Variants in KATNAL2 observed in about 807,000 individuals in gnomAD.
KATNAL2 encodes katanin p60 ATPase-containing subunit A-like 2.
A neutral mutation model predicts 76.3 loss-of-function variants in KATNAL2; 52 were observed. The ratio of observed to expected loss-of-function variants is 0.68; its 90% confidence interval spans 0.55 to 0.86. KATNAL2 has a LOEUF of 0.86. KATNAL2 is among the 40% of genes least tolerant of loss of function. The probability of loss-of-function intolerance (pLI) is 0.00; values close to 1 mark genes in which losing one functional copy is unlikely to be tolerated. For missense variants in KATNAL2, 660 were observed against 668.9 expected, an observed-to-expected ratio of 0.99 and a Z score of 0.15; for synonymous variants, 243 against 244.2, an observed-to-expected ratio of 1.00 and a Z score of 0.05.
chr18:46,959,401 G>T (rs1437421665), intron 3 of KATNAL2, among the ~76,000 whole-genome samples: 1 of 152,186 alleles, frequency 6.6e-6, no homozygotes, highest in Admixed American at 6.5e-5. Flanking sequence ...CCAAAAAGGA[G>T]AGACTAATTA....
chr18:47,033,424 G>C, intron 3 of KATNAL2: 3 of 1,614,188 alleles, frequency 1.9e-6, no homozygotes, highest in Non-Finnish European at 2.5e-6. Context: ...CTGCTCTGGG[G>C]CGTCCGGAAG....
At chr18:47,035,465 C>G (rs2060728936) in intron 3 of KATNAL2, 1 of 1,125,770 alleles carries the variant, frequency 8.9e-7, no homozygotes, top group Non-Finnish European at 1.2e-6. Flanking sequence ...TTGCAGACAG[C>G]TGAGCAGGCC....
intron 1 of KATNAL2, among the ~76,000 whole-genome samples, chr18:46,945,319 G>A (rs11875527): frequency 0.046 from 7,061 of 152,272 alleles, 191 homozygotes; most frequent in Non-Finnish European, 0.064. Context: ...CCTAAGCTTC[G>A]CCTAGGTTAA....
chr18:47,047,618 T>C (rs181933780), intron 4 of KATNAL2, among the ~76,000 whole-genome samples: 18 of 152,308 alleles, frequency 1.2e-4, no homozygotes, highest in Admixed American at 1.1e-3. Context: ...AGAGAGCTGC[T>C]CCACAAAGTG....
chr18:46,946,980 T>G (rs1360444839), intron 3 of KATNAL2, 57 bp downstream of exon 3: 3 of 1,188,476 alleles, frequency 2.5e-6, no homozygotes, highest in Non-Finnish European at 2.4e-6. Flanking sequence ...CTACTGTTGC[T>G]GCGGGACGAT....
At chr18:46,956,270 A>G (rs1032277365) in intron 3 of KATNAL2, among the ~76,000 whole-genome samples, 2 of 152,218 alleles carry the variant, frequency 1.3e-5, no homozygotes, top group Non-Finnish European at 2.9e-5. Flanking sequence ...GATAAACGCA[A>G]TTTAGTGCCT....
chr18:46,946,168 G>A lies in KATNAL2; in HGVS notation c.-398G>A, dbSNP rs1476774502. ...GGGATAATTTGGAATAGGATTCACA[G>A]CAAGAGAGACAGAAGGGAAAGACAT... On this transcript the variant is annotated 5_prime_UTR_variant, in exon 2 of 18. Coordinates refer to ENST00000683218, the MANE Select transcript of KATNAL2 (RefSeq NM_001387690.1). 2 of 979,372 alleles carry A rather than the reference G, an allele frequency of 2.0e-6. No individual in the cohort carries two copies. The highest frequency in any genetic ancestry group is 2.4e-6 in the Non-Finnish European group (2 of 816,616). 60.7% of individuals were successfully genotyped at this position (979,372 alleles called of 1,614,324 possible).
At chr18:47,032,920 T>C (rs561010606) in intron 3 of KATNAL2, 4 of 1,609,284 alleles carry the variant, frequency 2.5e-6, no homozygotes, top group East Asian at 2.2e-5. Context: ...CTGGTGTCCA[T>C]TGGAAGTTTC....
chr18:47,067,236 C>T (rs56272937), intron 11 of KATNAL2, 117 bp downstream of exon 11: 6,598 of 454,154 alleles, frequency 0.015, 61 homozygotes, highest in Non-Finnish European at 0.019. Context: ...CACGTTAACT[C>T]TTTGCTTGTG....
Position 46,918,202 on chromosome 18 carries a change from C to T in KATNAL2, c.-510+276C>T, listed in dbSNP as rs79609991. On this transcript the variant is annotated intron_variant, in intron 1 of 17. Transcript: ENST00000683218. Reference sequence around the variant, plus strand: ...AAGTAGATAGAAGGAAGCTTGATGGCCCCCCCGTAATGTGCTGATATAGGA... The same window carrying T: ...AAGTAGATAGAAGGAAGCTTGATGGTCCCCCCGTAATGTGCTGATATAGGA... Among the ~76,000 whole-genome samples, 819 of 152,000 alleles carry T rather than the reference C, an allele frequency of 5.4e-3. 4 individuals carry two copies. The highest frequency in any genetic ancestry group is 0.014 in the Middle Eastern group (4 of 292).
intron 10 of KATNAL2, among the ~76,000 whole-genome samples, chr18:47,064,408 C>T (rs546103136): frequency 1.1e-3 from 172 of 152,070 alleles, no homozygotes; most frequent in Admixed American, 2.2e-3. Context: ...TGGTGGGGAA[C>T]GGGTGGAGAG....
intron 7 of KATNAL2, among the ~76,000 whole-genome samples, chr18:47,059,326 A>G (rs145467934): frequency 6.6e-6 from 1 of 152,374 alleles, no homozygotes; most frequent in East Asian, 1.9e-4. Flanking sequence ...CTTGGGGCCC[A>G]TGGGGCCTGG....
rs555844923 is a variant in KATNAL2, at chr18:47,046,594, G to A, written c.122+67G>A. The A allele has an allele frequency of 1.2e-4, 129 of 1,101,696 alleles. No homozygotes were observed. In the East Asian group the frequency reaches 1.5e-3, roughly 13 times the overall value. 68.2% of individuals were successfully genotyped at this position (1,101,696 alleles called of 1,614,324 possible). A position where few individuals can be genotyped will look rare whatever the true frequency, so the allele number is the denominator to read the frequency against. On this transcript the variant is annotated intron_variant, in intron 4 of 17. Transcript: ENST00000683218. ...CTCTGCTCTCTACTTTTCCAGATGCGTACTTTTAAATACAATAGACTTTCT... is the reference window on the plus strand; with the variant it reads ...CTCTGCTCTCTACTTTTCCAGATGCATACTTTTAAATACAATAGACTTTCT...
At chr18:46,961,936 G>T (rs567383459) in intron 3 of KATNAL2, among the ~76,000 whole-genome samples, 1 of 152,196 alleles carries the variant, frequency 6.6e-6, no homozygotes. Flanking sequence ...AAGTTTTTAA[G>T]AGCTACACAC....
chr18:46,933,952 CCATGTCCCTACAAAGGA>C (rs2059013002), intron 1 of KATNAL2, among the ~76,000 whole-genome samples: 2 of 150,164 alleles, frequency 1.3e-5, no homozygotes, highest in Non-Finnish European at 3.0e-5. Context: ...CCAGTTTCAT[CCATGTCCCTACAAAGGA>C]CATGAACTCA....
chr18:47,053,404 C>T (rs900283152), intron 5 of KATNAL2, among the ~76,000 whole-genome samples: 4 of 152,130 alleles, frequency 2.6e-5, no homozygotes, highest in Non-Finnish European at 5.9e-5. Context: ...TTTTAGGAGA[C>T]CTATTATCTG....
rs2061378033 is a variant in KATNAL2 at position 47,052,996 on chromosome 18, T to G, written c.239T>G (p.Phe80Cys). The change falls in exon 5 of 18, where the codon TTT becomes TGT. Residue 80 changes from phenylalanine to cysteine, a missense_variant. Transcript: ENST00000683218. ...TTGATGGAATATGAGAGTTATTATT[T>G]TGTAAAATTTCAGAAATACCCCAAA... The part of the protein sequence containing the change: ...TILMEYESYY[F>C]VKFQKYPKIV... 6.2e-7 allele frequency: 1 copy of G among 1,607,776 alleles called. No homozygotes were observed. Among genetic ancestry groups the G allele is most frequent in the Non-Finnish European group, 8.5e-7 (1 of 1,177,756 alleles).
chr18:46,955,081 T>TCCTC (rs1203083061), intron 3 of KATNAL2, among the ~76,000 whole-genome samples: 1 of 139,134 alleles, frequency 7.2e-6, no homozygotes, highest in Admixed American at 7.2e-5. Context: ...TCAATTTCCT[T>TCCTC]CCTCCCTCCC....
intron 6 of KATNAL2, among the ~76,000 whole-genome samples, chr18:47,057,027 T>C (rs1040753848): frequency 6.6e-6 from 1 of 152,148 alleles, no homozygotes; most frequent in African/African-American, 2.4e-5. Context: ...TAGTGTCCAC[T>C]TCTCATGACG....
Sources: allele counts gnomAD v4.1 joint callset (sites outside exome capture counted in the v4.1 genomes callset), GRCh38; gene constraint gnomAD v4.1.1; transcripts MANE v1.5; gene names NCBI Gene and HGNC (gene_info 2026-07-23, HGNC 2026-07-21).